Variants in BTBD7 observed in about 807,000 individuals in gnomAD.
BTBD7 encodes BTB domain containing 7.
In BTBD7, 38 loss-of-function variants were observed where a neutral mutation model predicts 99.9. The observed-to-expected ratio is 0.38, with a 90% CI of 0.29 to 0.50. BTBD7 has a LOEUF of 0.50. Among genes scored for constraint, BTBD7 ranks in the 20% least tolerant of loss-of-function variants. The pLI, the probability that BTBD7 is intolerant of heterozygous loss-of-function variation, is 0.93. For synonymous variants in BTBD7, 520 were observed against 511.4 expected (o/e 1.02, Z -0.23); for missense variants, 1,170 against 1,394.6 (o/e 0.84, Z 2.57).
At chr14:93,319,669 T>C (rs189656234) in intron 1 of BTBD7, among the ~76,000 whole-genome samples, 5 of 152,198 alleles carry the variant, frequency 3.3e-5, no homozygotes, top group Non-Finnish European at 7.3e-5. Context: ...TGCAGACTTA[T>C]TAATCAACGG....
intron 3 of BTBD7, among the ~76,000 whole-genome samples, chr14:93,266,362 G>T (rs964793250): frequency 6.6e-6 from 1 of 152,052 alleles, no homozygotes; most frequent in East Asian, 1.9e-4. Flanking sequence ...GTCTCAGGAG[G>T]GCAAGGGAAT....
intron 5 of BTBD7, among the ~76,000 whole-genome samples, chr14:93,258,687 C>A (rs1001738541): frequency 6.6e-6 from 1 of 152,128 alleles, no homozygotes; most frequent in African/African-American, 2.4e-5. Context: ...TGGGTTCAAG[C>A]GATTCTCCTG....
At chr14:93,327,329 C>A (rs1298745528) in intron 1 of BTBD7, among the ~76,000 whole-genome samples, 1 of 152,140 alleles carries the variant, frequency 6.6e-6, no homozygotes. Flanking sequence ...ACTAGAAATA[C>A]AAATGTGAGC....
intron 1 of BTBD7, among the ~76,000 whole-genome samples, chr14:93,319,230 A>C (rs1045712750): frequency 1.3e-5 from 2 of 152,336 alleles, no homozygotes; most frequent in South Asian, 4.1e-4. Context: ...AACAACAACC[A>C]AAACCAAAAA....
intron 3 of BTBD7, among the ~76,000 whole-genome samples, chr14:93,289,649 T>C (rs778913261): frequency 6.6e-6 from 1 of 152,222 alleles, no homozygotes; most frequent in Non-Finnish European, 1.5e-5. Flanking sequence ...TCCTTCACTA[T>C]GATAATAGGG....
intron 7 of BTBD7, among the ~76,000 whole-genome samples, 181 bp from the exon 8 acceptor site, chr14:93,251,833 G>A (rs924741541): frequency 2.6e-5 from 4 of 152,118 alleles, no homozygotes; most frequent in Admixed American, 6.5e-5. Flanking sequence ...ACTCTTTTAG[G>A]AGCATCTTTG....
chr14:93,327,206 A>T (rs1013929088), intron 1 of BTBD7, among the ~76,000 whole-genome samples: 6 of 152,228 alleles, frequency 3.9e-5, no homozygotes, highest in African/African-American at 1.4e-4. Context: ...ATTTCCATTA[A>T]AAAATTATAT....
intron 1 of BTBD7, among the ~76,000 whole-genome samples, chr14:93,317,222 C>T (rs2053218140): frequency 6.6e-6 from 1 of 152,154 alleles, no homozygotes; most frequent in African/African-American, 2.4e-5. Context: ...CCAGGCTGGT[C>T]TCGAACTCCT....
chr14:93,269,920 A>G (rs1468205959), intron 3 of BTBD7, among the ~76,000 whole-genome samples: 1 of 152,152 alleles, frequency 6.6e-6, no homozygotes, highest in Non-Finnish European at 1.5e-5. Context: ...GCTGATCCAC[A>G]GTGGCAATGA....
intron 1 of BTBD7, among the ~76,000 whole-genome samples, chr14:93,331,894 AG>A (rs2053428624): frequency 8.4e-6 from 1 of 119,702 alleles, no homozygotes; most frequent in African/African-American, 4.4e-5. Flanking sequence ...CCCCCCAAAA[AG>A]GTTGTTAGTT....
chr14:93,247,207 T>C (rs904066614), intron 9 of BTBD7, among the ~76,000 whole-genome samples: 19 of 152,136 alleles, frequency 1.2e-4, no homozygotes, highest in African/African-American at 4.3e-4. Context: ...ATTATATTTT[T>C]TGTAGAGATA....
chr14:93,280,397 C>A (rs2052704854), intron 3 of BTBD7, among the ~76,000 whole-genome samples: 2 of 152,150 alleles, frequency 1.3e-5, no homozygotes, highest in South Asian at 2.1e-4. Context: ...AAAAACCAAA[C>A]AAACCACTTC....
chr14:93,248,623 G>A lies in BTBD7; in HGVS notation c.1974C>T (p.Val658=). Residue 658 remains valine, a synonymous_variant, in exon 9 of 11, where the codon GTC becomes GTT. Transcript: ENST00000334746. ...TGTGCCGCAGTTCCTGCAGTCGTCT[G>A]ACCATGTCTTTCATAATGAGGAGAC... ...VPRLLIMKDM[V]RRLQELRHTE... 6.2e-7 allele frequency: 1 copy of A among 1,612,562 alleles called. No homozygotes were observed. Among genetic ancestry groups the A allele is most frequent in the South Asian group, 1.1e-5 (1 of 90,944 alleles).
intron 1 of BTBD7, among the ~76,000 whole-genome samples, chr14:93,308,303 A>G (rs886188165): frequency 9.7e-6 from 1 of 103,034 alleles, no homozygotes; most frequent in South Asian, 3.8e-4. Context: ...AAAAAAAAAA[A>G]AGAAAAGAAA....
rs959875384 is a variant in BTBD7 at position 93,332,708 on chromosome 14, C to T, written c.-107+112G>A. The T allele has an allele frequency of 4.2e-5, 56 of 1,327,304 alleles. No homozygotes were observed. In the Middle Eastern group the frequency reaches 8.4e-4, roughly 20 times the overall value. 82.2% of individuals were successfully genotyped at this position (1,327,304 alleles called of 1,614,324 possible). ...CAGCGCCTCCCGCGGCGGCTTGGCCCCAGCCCCGGCGCCCCCACGCCTAAG... is the reference window on the plus strand; with the variant it reads ...CAGCGCCTCCCGCGGCGGCTTGGCCTCAGCCCCGGCGCCCCCACGCCTAAG... On this transcript the variant is annotated intron_variant, in intron 1 of 10. Transcript: ENST00000334746.
chr14:93,325,294 G>C (rs56205404), intron 1 of BTBD7, among the ~76,000 whole-genome samples: 1 of 151,890 alleles, frequency 6.6e-6, no homozygotes, highest in African/African-American at 2.4e-5. Context: ...ATCTTTAGTA[G>C]AGATGGGGTT....
At chr14:93,332,498 C>T (rs1289307915) in intron 1 of BTBD7, among the ~76,000 whole-genome samples, 1 of 152,022 alleles carries the variant, frequency 6.6e-6, no homozygotes, top group East Asian at 1.9e-4. Context: ...AGCCCAAAGC[C>T]GGCCGGGCTG....
intron 1 of BTBD7, among the ~76,000 whole-genome samples, chr14:93,310,839 A>C (rs2053129083): frequency 6.7e-6 from 1 of 148,152 alleles, no homozygotes; most frequent in Non-Finnish European, 1.5e-5. Context: ...CCAACAGTTA[A>C]GTTCAAAAGT....
At chr14:93,327,575 T>C (rs2053347934) in intron 1 of BTBD7, among the ~76,000 whole-genome samples, 1 of 152,190 alleles carries the variant, frequency 6.6e-6, no homozygotes, top group Admixed American at 6.5e-5. Context: ...ATGATTTTTC[T>C]TAAAATACAC....
Sources: gnomAD v4.1 joint callset for allele counts (sites outside exome capture counted in the v4.1 genomes callset) on GRCh38, gnomAD v4.1.1 for gene constraint, MANE v1.5 for transcripts, NCBI Gene and HGNC (gene_info 2026-07-23, HGNC 2026-07-21) for gene names.